The following RHOBTB3 variants were observed in gnomAD, a reference collection of about 807,000 sequenced individuals.
The protein encoded by RHOBTB3 is rho-related BTB domain-containing protein 3.
Under a neutral mutation model 67.2 loss-of-function variants are expected in RHOBTB3, and 47 were observed. That is an observed-to-expected ratio of 0.70 (90% confidence interval 0.55 to 0.89). The LOEUF is 0.89. RHOBTB3 is among the 40% of genes least tolerant of loss of function. The probability of loss-of-function intolerance (pLI) is 0.00; values close to 1 mark genes in which losing one functional copy is unlikely to be tolerated. For synonymous variants in RHOBTB3, 273 were observed against 274.2 expected, an observed-to-expected ratio of 1.00 and a Z score of 0.04; for missense variants, 631 against 750.0, an observed-to-expected ratio of 0.84 and a Z score of 1.85.
intron 1 of RHOBTB3, among the ~76,000 whole-genome samples, chr5:95,722,253 A>T (rs559511711): frequency 2.0e-5 from 3 of 152,310 alleles, no homozygotes; most frequent in African/African-American, 7.2e-5. Flanking sequence ...TTAAAACATG[A>T]GCCAAATTAT....
chr5:95,733,325 T>G (rs1296940251), intron 2 of RHOBTB3, among the ~76,000 whole-genome samples: 1 of 152,208 alleles, frequency 6.6e-6, no homozygotes, highest in East Asian at 1.9e-4. Flanking sequence ...CTTCTTTTAC[T>G]TGGGATCTTT....
At position 95,796,110 on chromosome 5, in the gene RHOBTB3, G is replaced by A. The variant is rs950629720; in HGVS notation, c.*2936G>A. On this transcript the variant is annotated 3_prime_UTR_variant, in exon 12 of 12. Transcript: ENST00000379982. ...AGTAGTAACAGAAGTCTGAACAATT[G>A]GATAAATTTGACTTCCAAGACAGCT... 7.2e-5 allele frequency: 11 copies of A among 152,130 alleles called. No individual in the cohort carries two copies. Among genetic ancestry groups the A allele is most frequent in the African/African-American group, 2.7e-4 (11 of 41,434 alleles). The allele number at this position is 152,130 out of a possible 1,614,324, so 9.4% of individuals were successfully genotyped here. A position where few individuals can be genotyped will look rare whatever the true frequency, so the allele number is the denominator to read the frequency against.
chr5:95,771,484 A>G (rs1259995556), intron 8 of RHOBTB3, among the ~76,000 whole-genome samples: 2 of 152,222 alleles, frequency 1.3e-5, no homozygotes, highest in Admixed American at 6.5e-5. Flanking sequence ...GGACGCTGAA[A>G]GTAGGGCAGC....
At chr5:95,721,888 A>C (rs977782281) in intron 1 of RHOBTB3, among the ~76,000 whole-genome samples, 1 of 152,220 alleles carries the variant, frequency 6.6e-6, no homozygotes, top group African/African-American at 2.4e-5. Flanking sequence ...AGAACTGCCA[A>C]CCTAATATAT....
At chr5:95,772,283 G>A (rs1285247854) in intron 8 of RHOBTB3, among the ~76,000 whole-genome samples, 1 of 152,168 alleles carries the variant, frequency 6.6e-6, no homozygotes, top group Non-Finnish European at 1.5e-5. Flanking sequence ...GTGAGTTCTG[G>A]TAGATGTCTT....
At chr5:95,723,718 C>T (rs970098719) in intron 1 of RHOBTB3, among the ~76,000 whole-genome samples, 1 of 152,206 alleles carries the variant, frequency 6.6e-6, no homozygotes, top group Non-Finnish European at 1.5e-5. Flanking sequence ...CCCTATCTCT[C>T]CTTTACTTCC....
chr5:95,755,326 G>T, intron 5 of RHOBTB3, 70 bp from the exon 6 acceptor site: 1 of 1,098,568 alleles, frequency 9.1e-7, no homozygotes, highest in Non-Finnish European at 1.2e-6. Flanking sequence ...TATATTTAAA[G>T]TAAACATGAA....
At chr5:95,766,596 TAAA>T (rs534051950) in intron 7 of RHOBTB3, among the ~76,000 whole-genome samples, 1 of 115,846 alleles carries the variant, frequency 8.6e-6, no homozygotes, top group African/African-American at 3.1e-5. Flanking sequence ...GACTAAAATT[TAAA>T]AAAAAAAAAA....
intron 1 of RHOBTB3, 77 bp from the exon 2 acceptor site, chr5:95,731,782 C>G: frequency 6.2e-7 from 1 of 1,603,718 alleles, no homozygotes. Flanking sequence ...GCGCTGTCCC[C>G]CGCACTTCCT....
At chr5:95,758,921 G>T (rs1745319842) in intron 6 of RHOBTB3, among the ~76,000 whole-genome samples, 2 of 152,242 alleles carry the variant, frequency 1.3e-5, no homozygotes, top group African/African-American at 4.8e-5. Flanking sequence ...CTAGAATTCA[G>T]TGCAGAGGCC....
chr5:95,769,629 A>T (rs1357602091), intron 8 of RHOBTB3: 1 of 164,902 alleles, frequency 6.1e-6, no homozygotes, highest in Non-Finnish European at 1.3e-5. Flanking sequence ...GAATCACCAG[A>T]TCTAATTTTT....
intron 8 of RHOBTB3, among the ~76,000 whole-genome samples, chr5:95,779,770 G>A (rs904288733): frequency 6.6e-6 from 1 of 152,108 alleles, no homozygotes; most frequent in South Asian, 2.1e-4. Flanking sequence ...TTCCTACTGT[G>A]GTGTACGGAC....
chr5:95,771,194 A>T (rs1439263151), intron 8 of RHOBTB3, among the ~76,000 whole-genome samples: 1 of 152,230 alleles, frequency 6.6e-6, no homozygotes, highest in Non-Finnish European at 1.5e-5. Context: ...AAAAGAATGA[A>T]TTGTCAGATA....
At chr5:95,783,719 T>G in intron 9 of RHOBTB3, 78 bp from the exon 10 acceptor site, 1 of 1,245,244 alleles carries the variant, frequency 8.0e-7, no homozygotes, top group Non-Finnish European at 1.1e-6. Context: ...ATTGTTGTTT[T>G]TTGTTGGTGG....
At chr5:95,741,707 G>A (rs1461080103) in intron 3 of RHOBTB3, among the ~76,000 whole-genome samples, 2 of 151,734 alleles carry the variant, frequency 1.3e-5, no homozygotes, top group African/African-American at 4.8e-5. Context: ...TTTGGGGGGA[G>A]GGACCGTGTC....
chr5:95,775,418 ATATACAC>A (rs1745843140), intron 8 of RHOBTB3, among the ~76,000 whole-genome samples: 1 of 148,600 alleles, frequency 6.7e-6, no homozygotes. Context: ...ATATATATAT[ATATACAC>A]ATATATATAC....
intron 8 of RHOBTB3, among the ~76,000 whole-genome samples, chr5:95,776,021 T>C (rs1745867695): frequency 6.6e-6 from 1 of 152,198 alleles, no homozygotes; most frequent in Non-Finnish European, 1.5e-5. Context: ...TGTGAAATAA[T>C]TCACATTGGA....
At chr5:95,778,111 T>G (rs1055179927) in intron 8 of RHOBTB3, among the ~76,000 whole-genome samples, 3 of 149,834 alleles carry the variant, frequency 2.0e-5, no homozygotes, top group Admixed American at 6.6e-5. Flanking sequence ...AAAGCAAGAC[T>G]CTATCTCAAA....
At chr5:95,731,265 T>C (rs2112765119), upstream of RHOBTB3, 1 of 1,009,736 alleles carries the variant, frequency 9.9e-7, no homozygotes, top group Non-Finnish European at 1.2e-6. Context: ...CCCGGTCCGC[T>C]GAGGGGGCGG....
Sources: gnomAD v4.1 joint callset for allele counts (sites outside exome capture counted in the v4.1 genomes callset) on GRCh38, gnomAD v4.1.1 for gene constraint, MANE v1.5 for transcripts, NCBI Gene and HGNC (gene_info 2026-07-23, HGNC 2026-07-21) for gene names.